Variants in SLC28A3 observed in about 807,000 individuals in gnomAD.
SLC28A3 encodes the protein solute carrier family 28 member 3, also known as concentrative Na(+)-nucleoside cotransporter 3.
In SLC28A3, 68 loss-of-function variants were observed where a neutral mutation model predicts 84.2. The ratio of observed to expected loss-of-function variants is 0.81; its 90% confidence interval spans 0.66 to 0.99. The LOEUF (loss-of-function observed/expected upper bound fraction) is 0.99, where lower values mean the gene tolerates loss of function less well. Ranked by LOEUF, SLC28A3 falls within the 50% of genes least tolerant of loss-of-function variation. The pLI is 0.00. For synonymous variants in SLC28A3, 267 were observed against 303.6 expected (o/e 0.88, Z 1.25); for missense variants, 712 against 841.5 (o/e 0.85, Z 1.90).
At chr9:84,302,584 TACC>T (rs985717773) in intron 4 of SLC28A3, among the ~76,000 whole-genome samples, 195 bp from the exon 5 acceptor site, 2 of 152,192 alleles carry the variant, frequency 1.3e-5, no homozygotes, top group African/African-American at 4.8e-5. Flanking sequence ...TCTCAAAAAT[TACC>T]ACCATGAATG....
intron 1 of SLC28A3, among the ~76,000 whole-genome samples, chr9:84,327,661 T>C (rs1269047280): frequency 6.6e-6 from 1 of 152,108 alleles, no homozygotes; most frequent in Non-Finnish European, 1.5e-5. Flanking sequence ...GTGCGGTGGC[T>C]AATGCCTGTA....
intron 1 of SLC28A3, among the ~76,000 whole-genome samples, chr9:84,320,909 T>G (rs1456368719): frequency 6.8e-6 from 1 of 148,080 alleles, no homozygotes; most frequent in African/African-American, 2.5e-5. Context: ...GAGGTTGCAG[T>G]GAGCTGAGAT....
chr9:84,311,701 A>G (rs1342939841), intron 2 of SLC28A3, among the ~76,000 whole-genome samples: 2 of 151,978 alleles, frequency 1.3e-5, no homozygotes, highest in Non-Finnish European at 2.9e-5. Context: ...AATACAAAAA[A>G]AAAAATTAGC....
Position 84,328,352 on chromosome 9 carries a change from T to A in SLC28A3, c.60+12222A>T, listed in dbSNP as rs147636295. 6.7e-5 allele frequency among the ~76,000 whole-genome samples: 10 copies of A among 149,106 alleles called. No homozygotes were observed. The East Asian group carries it at 2.0e-3, about 29-fold the overall frequency. On this transcript the variant is annotated intron_variant, in intron 1 of 17. Coordinates refer to ENST00000376238, the MANE Select transcript of SLC28A3 (RefSeq NM_001199633.2). ...AAAAAGGAAAAAAAAAAAAACATGA[T>A]CTGGCCAGGTGTGGTAGCTCATGCC... is the stretch of plus-strand genomic sequence containing the variant.
upstream of SLC28A3, among the ~76,000 whole-genome samples, chr9:84,341,600 T>C (rs1433701291): frequency 6.6e-6 from 1 of 152,174 alleles, no homozygotes; most frequent in East Asian, 1.9e-4. Flanking sequence ...TCCAAAACCT[T>C]TTATTACATC....
the SLC28A3 span, among the ~76,000 whole-genome samples, chr9:84,358,157 AG>A: frequency 6.6e-6 from 1 of 152,174 alleles, no homozygotes; most frequent in Non-Finnish European, 1.5e-5. Flanking sequence ...TCAGTAGGGA[AG>A]GCACCAGGTT....
At chr9:84,341,292 A>G (rs1157657370), upstream of SLC28A3, among the ~76,000 whole-genome samples, 1 of 152,038 alleles carries the variant, frequency 6.6e-6, no homozygotes, top group Non-Finnish European at 1.5e-5. Context: ...CGTTCTCTAT[A>G]GTGCTTAGTG....
chr9:84,289,864 T>C (rs1207870753), intron 11 of SLC28A3: 2 of 233,706 alleles, frequency 8.6e-6, no homozygotes, highest in Non-Finnish European at 1.7e-5. Flanking sequence ...TGTAATAATT[T>C]TTTTTTTAAC....
Position 84,305,277 on chromosome 9 carries a change from A to G in SLC28A3, c.311T>C (p.Ile104Thr). 1 of 1,613,396 alleles carries G rather than the reference A, an allele frequency of 6.2e-7. No individual in the cohort carries two copies. The highest frequency in any genetic ancestry group is 2.2e-5 in the East Asian group (1 of 44,846). ...CRKHKTTLRHIIWGILLAGYL... is the reference protein window; with the variant it reads ...CRKHKTTLRHTIWGILLAGYL... ...ACCTGCTAATAAAATGCCCCAGATG[A>G]TGTGCCGAAGAGTTGTTTTGTGTTT... Residue 104 changes from isoleucine to threonine, a missense_variant, in exon 4 of 18, where the codon ATC (isoleucine) becomes ACC (threonine). Transcript: ENST00000376238.
chr9:84,279,404 C>T lies in SLC28A3; in HGVS notation c.1829-19G>A. The T allele has an allele frequency of 1.4e-6, 2 of 1,455,246 alleles. No homozygotes were observed. The highest frequency in any genetic ancestry group is 1.8e-6 in the Non-Finnish European group (2 of 1,103,224). The allele number at this position is 1,455,246 out of a possible 1,614,324, so 90.1% of individuals were successfully genotyped here. On this transcript the variant is annotated intron_variant, in intron 16 of 17. Transcript: ENST00000376238. ...AGTATGCCTAGAAGTGGAACAGAGT[C>T]CCATTTATTTATTATTTTTTAGTTT...
rs147498788 is a variant in SLC28A3, at chr9:84,302,318, C to T, written c.406G>A (p.Val136Met). 3.7e-5 allele frequency: 60 copies of T among 1,613,986 alleles called. No homozygotes were observed. Among genetic ancestry groups the T allele is most frequent in the African/African-American group, 2.9e-4 (22 of 74,904 alleles). The part of the protein sequence containing the change: ...HRALPLFVIT[V>M]AAIFFVVWDH... ...CAGACAACAAAGAAGATGGCAGCCA[C>T]GGTGATCACAAAAAGAGGAAGGGCT... is the stretch of plus-strand genomic sequence containing the variant. Residue 136 changes from valine to methionine, a missense_variant, in exon 5 of 18, where the codon GTG becomes ATG. Val to Met is a conservative substitution (Grantham distance 21). Coordinates refer to ENST00000376238, the MANE Select transcript of SLC28A3 (RefSeq NM_001199633.2).
At chr9:84,368,148 A>G in the SLC28A3 span, among the ~76,000 whole-genome samples, 1 of 152,174 alleles carries the variant, frequency 6.6e-6, no homozygotes, top group Non-Finnish European at 1.5e-5. Flanking sequence ...GGCTTTCCAC[A>G]GTGCATCGTG....
intron 1 of SLC28A3, among the ~76,000 whole-genome samples, chr9:84,320,056 T>G (rs1379535197): frequency 1.0e-4 from 13 of 128,676 alleles, no homozygotes; most frequent in South Asian, 2.7e-4. Context: ...TTTTTTTTTT[T>G]TTTTTTTTTT....
At chr9:84,319,362 G>A (rs10868147) in intron 1 of SLC28A3, among the ~76,000 whole-genome samples, 15,626 of 152,042 alleles carry the variant, frequency 0.1, 1,095 homozygotes, top group East Asian at 0.36. Flanking sequence ...CAGAGCTGGG[G>A]GCTAGTTAAA....
intron 3 of SLC28A3, 72 bp downstream of exon 3, chr9:84,309,557 A>AAT: frequency 3.4e-6 from 3 of 879,626 alleles, no homozygotes; most frequent in Non-Finnish European, 5.3e-6. Flanking sequence ...AAGAAATCAA[A>AAT]TGGGGATAAA....
At chr9:84,291,875 T>TATTA (rs1825236318) in intron 10 of SLC28A3, among the ~76,000 whole-genome samples, 1 of 152,188 alleles carries the variant, frequency 6.6e-6, no homozygotes. Context: ...ATGAGGGGCT[T>TATTA]ATTACAATTT....
chr9:84,326,447 T>C (rs1043538817), intron 1 of SLC28A3, among the ~76,000 whole-genome samples: 1 of 152,178 alleles, frequency 6.6e-6, no homozygotes, highest in African/African-American at 2.4e-5. Context: ...CTATCCTAAC[T>C]GAAGTAAGAG....
rs144863604 is a variant in SLC28A3 at position 84,290,192 on chromosome 9, T to A, written c.1111A>T (p.Ile371Phe). The change falls in exon 11 of 18, where the codon ATT becomes TTT. Residue 371 changes from isoleucine to phenylalanine, a missense_variant. Physicochemically the swap from Ile to Phe is conservative, Grantham distance 21 (BLOSUM62 0). Transcript: ENST00000376238. ...TATGCACCTAGCACGCTTCCAGCAA[T>A]GGTAGAGAACCCGGCGGTCATGATG... ...HAIMTAGFST[I>F]AGSVLGAYIS... 2 of 1,614,118 alleles carry A rather than the reference T, an allele frequency of 1.2e-6. No individual in the cohort carries two copies. The highest frequency in any genetic ancestry group is 1.7e-5 in the Admixed American group (1 of 60,014).
At chr9:84,310,427 A>G (rs1825950724) in intron 2 of SLC28A3, 1 of 985,268 alleles carries the variant, frequency 1.0e-6, no homozygotes, top group Non-Finnish European at 1.2e-6. Flanking sequence ...TCCAGTCTCC[A>G]ATAATGTCTC....
Sources: allele counts gnomAD v4.1 joint callset (sites outside exome capture counted in the v4.1 genomes callset), GRCh38; gene constraint gnomAD v4.1.1; transcripts MANE v1.5; gene names NCBI Gene and HGNC (gene_info 2026-07-23, HGNC 2026-07-21).